The following ASH2L variants were observed in gnomAD, a reference collection of about 807,000 sequenced individuals.
ASH2L encodes set1/Ash2 histone methyltransferase complex subunit ASH2.
A neutral mutation model predicts 81.1 loss-of-function variants in ASH2L; 30 were observed. The observed-to-expected ratio is 0.37, with a 90% CI of 0.28 to 0.50. The LOEUF (loss-of-function observed/expected upper bound fraction) is 0.50, where lower values mean the gene tolerates loss of function less well. Ranked by LOEUF, ASH2L falls within the 20% of genes least tolerant of loss-of-function variation. ASH2L has a pLI of 0.95. For synonymous variants in ASH2L, 273 were observed against 279.9 expected (o/e 0.98, Z 0.24); for missense variants, 559 against 792.1 (o/e 0.71, Z 3.53).
intron 3 of ASH2L, among the ~76,000 whole-genome samples, chr8:38,109,586 G>T (rs1052943689): frequency 6.6e-6 from 1 of 152,104 alleles, no homozygotes; most frequent in African/African-American, 2.4e-5. Context: ...TGGTTCCTCT[G>T]TTGCATCCGT....
intron 3 of ASH2L, 124 bp downstream of exon 3, chr8:38,107,290 A>ATCCTACTTGCTG: frequency 1.6e-6 from 2 of 1,233,416 alleles, no homozygotes; most frequent in Non-Finnish European, 2.3e-6. Flanking sequence ...CCTATTCAGC[A>ATCCTACTTGCTG]AGTAGGATGT....
At chr8:38,116,532 C>A in intron 7 of ASH2L, 118 bp from the exon 8 acceptor site, 1 of 809,180 alleles carries the variant, frequency 1.2e-6, no homozygotes, top group Non-Finnish European at 2.0e-6. Context: ...GGCCCCATCT[C>A]AGAAAAAAAA....
At chr8:38,129,669 A>T (rs1197304650) in intron 12 of ASH2L, among the ~76,000 whole-genome samples, 1 of 152,182 alleles carries the variant, frequency 6.6e-6, no homozygotes, top group Non-Finnish European at 1.5e-5. Flanking sequence ...CATAGAGGCA[A>T]CCACTGTTTT....
chr8:38,129,798 T>G (rs955205285), intron 12 of ASH2L, among the ~76,000 whole-genome samples: 8 of 152,206 alleles, frequency 5.3e-5, no homozygotes, highest in Non-Finnish European at 1.2e-4. Context: ...CATATATCTG[T>G]GCACCCTTTT....
intron 11 of ASH2L, 95 bp downstream of exon 11, chr8:38,128,553 T>C: frequency 6.6e-7 from 1 of 1,513,432 alleles, no homozygotes; most frequent in Non-Finnish European, 8.9e-7. Flanking sequence ...GTTTACCAGA[T>C]TGTGGGCATA....
intron 14 of ASH2L, chr8:38,137,387 TACA>T (rs1802300873): frequency 8.2e-5 from 1 of 12,216 alleles, no homozygotes; most frequent in Non-Finnish European, 1.8e-4. Context: ...TCTCTAAAAA[TACA>T]AAAAAAAAAA....
chr8:38,105,797 C>T, intron 1 of ASH2L, 59 bp downstream of exon 1: 2 of 1,489,608 alleles, frequency 1.3e-6, no homozygotes, highest in Non-Finnish European at 8.9e-7. Flanking sequence ...TCGCGAATCC[C>T]GCGGCTCCTG....
intron 3 of ASH2L, among the ~76,000 whole-genome samples, chr8:38,108,975 A>C (rs984243098): frequency 6.6e-6 from 1 of 152,106 alleles, no homozygotes; most frequent in African/African-American, 2.4e-5. Flanking sequence ...CCAGCTACTC[A>C]GGAGCTTTAG....
At chr8:38,136,548 G>T (rs1802264166) in intron 14 of ASH2L, among the ~76,000 whole-genome samples, 1 of 152,004 alleles carries the variant, frequency 6.6e-6, no homozygotes, top group South Asian at 2.1e-4. Context: ...GCCAAGGTGG[G>T]TGGATCACTT....
At chr8:38,119,706 G>GAGGC (rs1811057610) in intron 9 of ASH2L, among the ~76,000 whole-genome samples, 1 of 152,196 alleles carries the variant, frequency 6.6e-6, no homozygotes, top group African/African-American at 2.4e-5. Context: ...TTGGGAGGCT[G>GAGGC]AGGCAGGAGA....
chr8:38,105,862 T>G, intron 1 of ASH2L, 124 bp downstream of exon 1: 3 of 1,432,816 alleles, frequency 2.1e-6, no homozygotes, highest in Non-Finnish European at 2.7e-6. Flanking sequence ...TGGCTCGCCC[T>G]GCCTCTGCGC....
intron 1 of ASH2L, 53 bp from the exon 2 acceptor site, chr8:38,106,325 A>T: frequency 6.4e-7 from 1 of 1,555,992 alleles, no homozygotes; most frequent in Non-Finnish European, 8.9e-7. Context: ...GGGAATAGGC[A>T]TTTTGAGGTT....
chr8:38,120,449 C>G (rs990961399), intron 9 of ASH2L, among the ~76,000 whole-genome samples: 12 of 152,084 alleles, frequency 7.9e-5, no homozygotes, highest in African/African-American at 2.4e-4. Flanking sequence ...GAGTTTTGCT[C>G]TATCACCCAG....
rs1802384111 is a variant in ASH2L at position 38,139,154 on chromosome 8, T to C, written c.*83T>C. On this transcript the variant is annotated 3_prime_UTR_variant, in exon 16 of 16. Transcript: ENST00000343823. ...TGTTTTTGAACTGTCTCAAATGTTC[T>C]CCCAAAGATGCTAAAAACACAGCCT... is the stretch of plus-strand genomic sequence containing the variant. 9.0e-7 allele frequency: 1 copy of C among 1,105,742 alleles called. No homozygotes were observed. The highest frequency in any genetic ancestry group is 1.3e-6 in the Non-Finnish European group (1 of 789,180). 68.5% of individuals were successfully genotyped at this position (1,105,742 alleles called of 1,614,324 possible).
At chr8:38,123,056 A>AT (rs1801695923) in intron 10 of ASH2L, among the ~76,000 whole-genome samples, 1 of 143,352 alleles carries the variant, frequency 7.0e-6, no homozygotes, top group African/African-American at 2.6e-5. Flanking sequence ...CATATTTAAT[A>AT]TGCACATAAA....
At chr8:38,115,042 A>T (rs750520398) in intron 7 of ASH2L, 42 bp downstream of exon 7, 1 of 1,284,118 alleles carries the variant, frequency 7.8e-7, no homozygotes, top group Non-Finnish European at 1.1e-6. Context: ...ATTTTAAGCC[A>T]CTCGGGGATA....
chr8:38,113,862 G>T (rs1469789389), intron 5 of ASH2L, among the ~76,000 whole-genome samples: 1 of 152,216 alleles, frequency 6.6e-6, no homozygotes, highest in African/African-American at 2.4e-5. Flanking sequence ...AGAAATAGGA[G>T]TTCAAGAGAG....
chr8:38,126,825 G>A (rs1262849491), intron 10 of ASH2L, among the ~76,000 whole-genome samples: 1 of 128,934 alleles, frequency 7.8e-6, no homozygotes, highest in Non-Finnish European at 1.6e-5. Context: ...CTGCACTCCA[G>A]CCTGGGCAAA....
chr8:38,105,994 A>G (rs1231527451), intron 1 of ASH2L: 10 of 1,531,338 alleles, frequency 6.5e-6, no homozygotes, highest in Non-Finnish European at 7.9e-6. Flanking sequence ...GGAAGCTGGT[A>G]GCTCACACTT....
Sources: allele counts gnomAD v4.1 joint callset (sites outside exome capture counted in the v4.1 genomes callset), GRCh38; gene constraint gnomAD v4.1.1; transcripts MANE v1.5; gene names NCBI Gene and HGNC (gene_info 2026-07-23, HGNC 2026-07-21).